Variants in DSC1 observed in about 807,000 individuals in gnomAD.
DSC1 encodes desmocollin 1, also known as desmocollin-1.
In DSC1, 79 loss-of-function variants were observed where a neutral mutation model predicts 98.8. The ratio of observed to expected loss-of-function variants is 0.80; its 90% CI spans 0.67 to 0.96. The LOEUF is 0.96. Among genes scored for constraint, DSC1 ranks in the 50% least tolerant of loss-of-function variants. The pLI is 0.00. For missense variants in DSC1, 1,115 were observed against 1,075.9 expected (o/e 1.04, Z -0.51); for synonymous variants, 405 against 372.1 (o/e 1.09, Z -1.02).
chr18:31,133,871 A>G lies in DSC1; in HGVS notation c.2116+20T>C. ...AATTTTAGCTAACACATTCTAGATA[A>G]TGATACTTAATATACTTACATAATA... is the stretch of plus-strand genomic sequence containing the variant. On this transcript the variant is annotated intron_variant, in intron 13 of 15. Transcript: ENST00000257198. 6.3e-7 allele frequency: 1 copy of G among 1,583,420 alleles called. No individual in the cohort carries two copies. Among genetic ancestry groups the G allele is most frequent in the Non-Finnish European group, 8.6e-7 (1 of 1,163,410 alleles).
chr18:31,137,922 A>G (rs1988645607), intron 11 of DSC1, among the ~76,000 whole-genome samples: 1 of 151,948 alleles, frequency 6.6e-6, no homozygotes. Context: ...CAGGTAGAAT[A>G]CCTAGATCAT....
intron 2 of DSC1, 71 bp from the exon 3 acceptor site, chr18:31,157,644 G>T: frequency 6.5e-7 from 1 of 1,545,834 alleles, no homozygotes; most frequent in Non-Finnish European, 8.9e-7. Flanking sequence ...AGGAATGACA[G>T]CCGTGAGTTA....
chr18:31,132,485 G>T, intron 14 of DSC1, 83 bp downstream of exon 14: 1 of 1,541,978 alleles, frequency 6.5e-7, no homozygotes, highest in Non-Finnish European at 8.8e-7. Flanking sequence ...AAACATTAGT[G>T]ATATTATCAT....
rs1988789088 is a variant in DSC1, at chr18:31,143,889, T to C, written c.940-98A>G. 9 of 884,748 alleles carry C rather than the reference T, an allele frequency of 1.0e-5. No individual in the cohort carries two copies. In the South Asian group the frequency reaches 2.7e-4, roughly 27 times the overall value. The allele number at this position is 884,748 out of a possible 1,614,324, so 54.8% of individuals were successfully genotyped here. ...TTTAGGCACGATTATTGTACAAATA[T>C]TCTTTTTTACTTTTTCTTTTATATA... On this transcript the variant is annotated intron_variant, in intron 7 of 15. Coordinates refer to ENST00000257198, the MANE Select transcript of DSC1 (RefSeq NM_024421.2).
At chr18:31,156,203 C>G in intron 3 of DSC1, 41 bp from the exon 4 acceptor site, 1 of 1,590,404 alleles carries the variant, frequency 6.3e-7, no homozygotes, top group Non-Finnish European at 8.5e-7. Context: ...CATTGCTTAT[C>G]ATTTTTTGGA....
At chr18:31,134,828 AT>A in intron 11 of DSC1, 44 bp from the exon 12 acceptor site, 1 of 1,534,922 alleles carries the variant, frequency 6.5e-7, no homozygotes, top group Non-Finnish European at 8.9e-7. Flanking sequence ...ATGAAAATGC[AT>A]TTATTTTCAA....
intron 11 of DSC1, among the ~76,000 whole-genome samples, chr18:31,136,843 G>GT (rs1368276074): frequency 2.0e-5 from 3 of 152,172 alleles, no homozygotes; most frequent in Admixed American, 6.5e-5. Context: ...GAGGTTGATG[G>GT]TAAGTTTTTA....
intron 1 of DSC1, among the ~76,000 whole-genome samples, chr18:31,161,773 A>G (rs561462746): frequency 2.6e-5 from 4 of 152,300 alleles, no homozygotes; most frequent in East Asian, 3.9e-4. Flanking sequence ...GAAGGTGACC[A>G]TCAACCCTGC....
At chr18:31,136,236 A>C (rs1184946248) in intron 11 of DSC1, among the ~76,000 whole-genome samples, 1 of 152,154 alleles carries the variant, frequency 6.6e-6, no homozygotes, top group Non-Finnish European at 1.5e-5. Context: ...CAAACTAAGA[A>C]ATGAATAATA....
At chr18:31,148,752 A>T (rs1285045530) in intron 5 of DSC1, 110 bp from the exon 6 acceptor site, 2 of 1,102,616 alleles carry the variant, frequency 1.8e-6, no homozygotes, top group Non-Finnish European at 2.5e-6. Flanking sequence ...TCATTCCCAA[A>T]GACCCGTAAC....
intron 2 of DSC1, among the ~76,000 whole-genome samples, chr18:31,159,046 G>GATTTTTTTTTTTT (rs1174794772): frequency 1.6e-5 from 1 of 64,188 alleles, no homozygotes; most frequent in Admixed American, 2.0e-4. Context: ...GCTACTATGT[G>GATTTTTTTTTTTT]GTTTTTTTTT....
intron 11 of DSC1, among the ~76,000 whole-genome samples, chr18:31,135,976 T>G (rs943270053): frequency 6.6e-6 from 1 of 152,126 alleles, no homozygotes; most frequent in Non-Finnish European, 1.5e-5. Flanking sequence ...TCATGTAGTG[T>G]ATTTCAAAAG....
At chr18:31,143,621 AT>A in intron 8 of DSC1, 35 bp downstream of exon 8, 1 of 1,438,980 alleles carries the variant, frequency 6.9e-7, no homozygotes. Flanking sequence ...GAAAAAGTAG[AT>A]AAATCTAGAT....
chr18:31,159,459 G>A lies in DSC1; in HGVS notation c.134C>T (p.Thr45Ile). The A allele has an allele frequency of 6.2e-7, 1 of 1,610,860 alleles. No homozygotes were observed. Among genetic ancestry groups the A allele is most frequent in the Non-Finnish European group, 8.5e-7 (1 of 1,178,964 alleles). ...LRVPSHLQAE[T>I]LVGKVNLEEC... ...GTGTTTCTCACCTTTGCCTACAAGT[G>A]TTTCAGCCTGAAGATGAGAAGGAAC... Residue 45 changes from threonine to isoleucine, a missense_variant, in exon 2 of 16, where the codon ACA (threonine) becomes ATA (isoleucine). Transcript: ENST00000257198.
rs752342711 is a variant in DSC1 at position 31,134,124 on chromosome 18, G to A, written c.1883C>T (p.Thr628Ile). 3.7e-6 allele frequency: 6 copies of A among 1,602,274 alleles called. No homozygotes were observed. Among genetic ancestry groups the A allele is most frequent in the Non-Finnish European group, 5.1e-6 (6 of 1,178,982 alleles). ...NWNIEEKDGK[T>I]AILRQRQNLD... ...ATTTTGCCGTTGACGAAGAATGGCA[G>A]TTTTACCTAGGGAAAAAAAAGACAG... The change falls in exon 13 of 16, where the codon ACT (threonine) becomes ATT (isoleucine). Residue 628 changes from threonine to isoleucine, a missense_variant. By Grantham distance (89) the Thr-to-Ile change is moderately conservative (BLOSUM62 -1). Coordinates refer to ENST00000257198, the MANE Select transcript of DSC1 (RefSeq NM_024421.2).
intron 5 of DSC1, among the ~76,000 whole-genome samples, chr18:31,151,842 G>C (rs986104453): frequency 5.9e-5 from 9 of 152,034 alleles, no homozygotes; most frequent in African/African-American, 2.2e-4. Context: ...AGAATTAATC[G>C]ACTTGTGTGC....
At chr18:31,154,988 C>G (rs574973571) in intron 4 of DSC1, 59 bp from the exon 5 acceptor site, 1 of 1,578,420 alleles carries the variant, frequency 6.3e-7, no homozygotes, top group Non-Finnish European at 8.6e-7. Context: ...TCAACCTAAC[C>G]TCTTGTGATG....
chr18:31,151,759 G>T (rs1411851333), intron 5 of DSC1, among the ~76,000 whole-genome samples: 3 of 152,156 alleles, frequency 2.0e-5, no homozygotes, highest in Non-Finnish European at 4.4e-5. Context: ...AGTAGATGGG[G>T]CAGAGAAAGG....
rs1279843465 is a variant in DSC1 at position 31,129,516 on chromosome 18, G to A, written c.*998C>T. The A allele has an allele frequency of 6.6e-6, 1 of 152,052 alleles. No homozygotes were observed. Among genetic ancestry groups the A allele is most frequent in the East Asian group, 1.9e-4 (1 of 5,190 alleles). The allele number at this position is 152,052 out of a possible 1,614,324, so 9.4% of individuals were successfully genotyped here. A position where few individuals can be genotyped will look rare whatever the true frequency, so the allele number is the denominator to read the frequency against. ...AGGCTGAGTCTTAAGTTCTAATACA[G>A]ATGGTAATTCAATTTCTGGCATATT... On this transcript the variant is annotated 3_prime_UTR_variant, in exon 16 of 16. Transcript: ENST00000257198.
Sources: gnomAD v4.1 joint callset for allele counts (sites outside exome capture counted in the v4.1 genomes callset) on GRCh38, gnomAD v4.1.1 for gene constraint, MANE v1.5 for transcripts, NCBI Gene and HGNC (gene_info 2026-07-23, HGNC 2026-07-21) for gene names.